AGBL4: variants seen among roughly 807,000 people sequenced by gnomAD.
The protein encoded by AGBL4 is cytosolic carboxypeptidase 6.
In AGBL4, 58 loss-of-function variants were observed where a neutral mutation model predicts 66.4. That is an observed-to-expected ratio of 0.87 (90% CI 0.71 to 1.09). AGBL4 has a LOEUF of 1.09. Ranked by LOEUF, AGBL4 falls within the 50% of genes least tolerant of loss-of-function variation. The pLI is 0.00. For synonymous variants in AGBL4, 234 were observed against 222.9 expected, an observed-to-expected ratio of 1.05 and a Z score of -0.44; for missense variants, 579 against 631.0, an observed-to-expected ratio of 0.92 and a Z score of 0.88.
intron 2 of AGBL4, among the ~76,000 whole-genome samples, chr1:49,842,569 G>A (rs1646024984): frequency 1.3e-5 from 2 of 152,144 alleles, no homozygotes; most frequent in African/African-American, 2.4e-5. Flanking sequence ...TGTGAGTGAC[G>A]ACACCAAGTC....
At chr1:49,325,710 T>C (rs888402734) in intron 3 of AGBL4, among the ~76,000 whole-genome samples, 2 of 152,230 alleles carry the variant, frequency 1.3e-5, no homozygotes, top group African/African-American at 2.4e-5. Flanking sequence ...CCAAATCTCA[T>C]ATTCAATTGT....
intron 1 of AGBL4, among the ~76,000 whole-genome samples, chr1:49,937,685 C>G (rs1417919058): frequency 2.0e-5 from 3 of 152,158 alleles, no homozygotes; most frequent in African/African-American, 7.2e-5. Flanking sequence ...GATTAAGAAT[C>G]TCATTCAAAA....
chr1:49,200,849 T>G (rs1016028064), intron 4 of AGBL4, among the ~76,000 whole-genome samples: 1 of 152,198 alleles, frequency 6.6e-6, no homozygotes, highest in African/African-American at 2.4e-5. Flanking sequence ...TAGCCATTGG[T>G]GCTCAGCTTA....
intron 11 of AGBL4, among the ~76,000 whole-genome samples, chr1:48,567,662 C>T (rs1644497673): frequency 6.6e-6 from 1 of 152,126 alleles, no homozygotes; most frequent in Non-Finnish European, 1.5e-5. Context: ...TGCTCTCCAC[C>T]ACTGTCTGAG....
At chr1:49,271,520 A>G (rs892363759) in intron 3 of AGBL4, among the ~76,000 whole-genome samples, 8 of 109,494 alleles carry the variant, frequency 7.3e-5, no homozygotes, top group East Asian at 5.3e-4. Flanking sequence ...AAGATAGCAC[A>G]CACACACACA....
At chr1:49,958,918 A>G (rs1656883155) in intron 1 of AGBL4, among the ~76,000 whole-genome samples, 1 of 151,990 alleles carries the variant, frequency 6.6e-6, no homozygotes, top group African/African-American at 2.4e-5. Context: ...GCAAAAAAAA[A>G]TTCATATCCC....
intron 3 of AGBL4, among the ~76,000 whole-genome samples, chr1:49,409,810 G>C (rs1366625494): frequency 6.6e-6 from 1 of 152,046 alleles, no homozygotes; most frequent in African/African-American, 2.4e-5. Flanking sequence ...CATTTTCTTT[G>C]ATATAATTTC....
chr1:48,689,264 G>T (rs961375558), intron 6 of AGBL4, among the ~76,000 whole-genome samples: 2 of 150,776 alleles, frequency 1.3e-5, no homozygotes, highest in African/African-American at 4.9e-5. Context: ...CCCTGTCATG[G>T]AGTCCTTATA....
At chr1:49,098,085 T>C (rs986018377) in intron 4 of AGBL4, among the ~76,000 whole-genome samples, 3 of 152,220 alleles carry the variant, frequency 2.0e-5, no homozygotes, top group African/African-American at 7.2e-5. Flanking sequence ...AGGCAAGAGA[T>C]GTAGGCTTGA....
At chr1:49,946,605 T>A (rs912732283) in intron 1 of AGBL4, among the ~76,000 whole-genome samples, 1 of 151,534 alleles carries the variant, frequency 6.6e-6, no homozygotes, top group Non-Finnish European at 1.5e-5. Context: ...CATCAAAAAG[T>A]CTGAAAGAGC....
Position 48,553,560 on chromosome 1 carries a change from G to A in AGBL4, c.1268-13822C>T, listed in dbSNP as rs142121850. Among the ~76,000 whole-genome samples the A allele has an allele frequency of 3.7e-3, 556 of 152,196 alleles. 3 individuals carry two copies. The highest frequency in any genetic ancestry group is 0.012 in the African/African-American group (516 of 41,526). ...TTGGAGGAGGGACTGGCTTGCCGAT[G>A]TTTTGAAACATTTCAGCTCCGATGT... is the stretch of plus-strand genomic sequence containing the variant. On this transcript the variant is annotated intron_variant, in intron 11 of 13. Transcript: ENST00000371839.
chr1:49,290,307 C>T (rs991727768), intron 3 of AGBL4, among the ~76,000 whole-genome samples: 10 of 152,256 alleles, frequency 6.6e-5, no homozygotes, highest in Non-Finnish European at 1.0e-4. Flanking sequence ...TAGTCTGCCA[C>T]GTATTTCCTC....
intron 10 of AGBL4, among the ~76,000 whole-genome samples, chr1:48,590,620 C>T (rs1003240462): frequency 2.6e-5 from 4 of 152,104 alleles, no homozygotes; most frequent in African/African-American, 7.2e-5. Flanking sequence ...AGCCAAAATG[C>T]TACCTTCTCA....
chr1:49,698,910 T>A (rs1442612585), intron 2 of AGBL4, among the ~76,000 whole-genome samples: 1 of 152,056 alleles, frequency 6.6e-6, no homozygotes, highest in East Asian at 1.9e-4. Flanking sequence ...CCACCATATG[T>A]GTCTACAAAT....
At chr1:49,330,262 CA>C (rs1394421819) in intron 3 of AGBL4, among the ~76,000 whole-genome samples, 1 of 152,086 alleles carries the variant, frequency 6.6e-6, no homozygotes, top group Non-Finnish European at 1.5e-5. Flanking sequence ...ACTAAAAATA[CA>C]AAAATTAGCT....
chr1:49,649,306 A>C (rs1645955172), intron 3 of AGBL4, among the ~76,000 whole-genome samples: 1 of 152,182 alleles, frequency 6.6e-6, no homozygotes. Flanking sequence ...CCAATTTCTA[A>C]AAATAAGAAT....
chr1:48,878,875 A>G (rs971769279), intron 5 of AGBL4, among the ~76,000 whole-genome samples: 5 of 152,172 alleles, frequency 3.3e-5, no homozygotes, highest in Admixed American at 1.3e-4. Context: ...TCAGAGTTAT[A>G]TATACTCCAG....
intron 3 of AGBL4, among the ~76,000 whole-genome samples, chr1:49,476,140 AT>A (rs200187353): frequency 0.032 from 4,915 of 151,626 alleles, 274 homozygotes; most frequent in African/African-American, 0.11. Context: ...ATTTCAAAGA[AT>A]TTTTTTTTAT....
chr1:48,788,462 T>G (rs1033164898), intron 6 of AGBL4, among the ~76,000 whole-genome samples: 1 of 152,238 alleles, frequency 6.6e-6, no homozygotes, highest in Non-Finnish European at 1.5e-5. Flanking sequence ...GGAATCTTAC[T>G]AAGGTCTGTA....
Sources: allele counts gnomAD v4.1 joint callset (sites outside exome capture counted in the v4.1 genomes callset), GRCh38; gene constraint gnomAD v4.1.1; transcripts MANE v1.5; gene names NCBI Gene and HGNC (gene_info 2026-07-23, HGNC 2026-07-21).